Variants in NTRK2 observed in about 807,000 individuals in gnomAD.
NTRK2 encodes the protein BDNF/NT-3 growth factors receptor.
In NTRK2, 13 loss-of-function variants were observed where a neutral mutation model predicts 94.5. That is an observed-to-expected ratio of 0.14 (90% CI 0.09 to 0.22). NTRK2 has a LOEUF of 0.22. NTRK2 is among the 10% of genes least tolerant of loss of function. The pLI is 1.00. For synonymous variants in NTRK2, 372 were observed against 407.4 expected (o/e 0.91, Z 1.05); for missense variants, 639 against 1,071.2 (o/e 0.60, Z 5.63).
chr9:84,782,786 G>T (rs987920081), intron 12 of NTRK2, among the ~76,000 whole-genome samples: 1 of 152,142 alleles, frequency 6.6e-6, no homozygotes, highest in African/African-American at 2.4e-5. Flanking sequence ...GGCTGAAGTT[G>T]TCTATTAACT....
At chr9:85,006,874 C>T (rs1482863093) in intron 17 of NTRK2, among the ~76,000 whole-genome samples, 1 of 152,212 alleles carries the variant, frequency 6.6e-6, no homozygotes, top group Non-Finnish European at 1.5e-5. Flanking sequence ...GGATACCCCT[C>T]TGGGCTCCAA....
At chr9:84,822,508 A>AT (rs1222845722) in intron 12 of NTRK2, among the ~76,000 whole-genome samples, 1 of 152,284 alleles carries the variant, frequency 6.6e-6, no homozygotes, top group South Asian at 2.1e-4. Context: ...AGCTGCAAAG[A>AT]TTTTTATCCT....
chr9:84,826,009 A>G (rs2073160749), intron 12 of NTRK2, among the ~76,000 whole-genome samples: 2 of 152,246 alleles, frequency 1.3e-5, no homozygotes, highest in Non-Finnish European at 2.9e-5. Context: ...GAGGCACGGA[A>G]GATCAGTAAA....
At chr9:84,722,750 C>T (rs1413308291) in intron 6 of NTRK2, among the ~76,000 whole-genome samples, 1 of 152,094 alleles carries the variant, frequency 6.6e-6, no homozygotes, top group Non-Finnish European at 1.5e-5. Context: ...AGCAGCATCC[C>T]TAAAATTACA....
At chr9:84,772,982 GATTGGT>G (rs2066701351) in intron 12 of NTRK2, among the ~76,000 whole-genome samples, 1 of 152,192 alleles carries the variant, frequency 6.6e-6, no homozygotes, top group African/African-American at 2.4e-5. Flanking sequence ...TGAATTTAGT[GATTGGT>G]AACAAAATAG....
chr9:84,827,781 C>T (rs2073282295), intron 12 of NTRK2, among the ~76,000 whole-genome samples: 1 of 152,172 alleles, frequency 6.6e-6, no homozygotes, highest in Admixed American at 6.5e-5. Context: ...TTAACGATTC[C>T]TAGGTGCTTC....
chr9:84,986,281 C>G (rs1284980700), intron 17 of NTRK2, among the ~76,000 whole-genome samples: 1 of 152,118 alleles, frequency 6.6e-6, no homozygotes, highest in Non-Finnish European at 1.5e-5. Flanking sequence ...CACAAAGGAC[C>G]AGTTTTGTGG....
intron 12 of NTRK2, among the ~76,000 whole-genome samples, chr9:84,782,062 A>ACACACACACT (rs2067638891): frequency 2.0e-5 from 3 of 150,920 alleles, no homozygotes; most frequent in African/African-American, 7.3e-5. Flanking sequence ...ACACACACAC[A>ACACACACACT]CACACAAACA....
intron 12 of NTRK2, among the ~76,000 whole-genome samples, chr9:84,759,159 A>T (rs180831684): frequency 1.3e-5 from 2 of 152,358 alleles, no homozygotes; most frequent in Admixed American, 1.3e-4. Flanking sequence ...ATCTAGAGAA[A>T]AGAATTAGTC....
At chr9:84,780,006 T>C (rs1175834933) in intron 12 of NTRK2, among the ~76,000 whole-genome samples, 1 of 152,056 alleles carries the variant, frequency 6.6e-6, no homozygotes, top group Non-Finnish European at 1.5e-5. Context: ...AGCTAGCCTT[T>C]ATGATTAGAA....
chr9:84,700,989 G>A (rs1429635089), intron 2 of NTRK2, among the ~76,000 whole-genome samples: 1 of 152,154 alleles, frequency 6.6e-6, no homozygotes, highest in Non-Finnish European at 1.5e-5. Context: ...GTGCTGTGAT[G>A]CATATTAAGA....
intron 14 of NTRK2, among the ~76,000 whole-genome samples, chr9:84,904,671 T>C (rs1319166934): frequency 6.6e-6 from 1 of 152,222 alleles, no homozygotes; most frequent in Non-Finnish European, 1.5e-5. Context: ...ATATTACATA[T>C]GCTTGTTGAC....
intron 12 of NTRK2, among the ~76,000 whole-genome samples, chr9:84,807,125 C>G (rs994736131): frequency 4.6e-5 from 7 of 152,194 alleles, no homozygotes; most frequent in African/African-American, 7.2e-5. Context: ...CAGCAGTTTT[C>G]CTTTTTGCTC....
chr9:84,722,792 G>A (rs1478241133), intron 6 of NTRK2, among the ~76,000 whole-genome samples: 1 of 152,176 alleles, frequency 6.6e-6, no homozygotes, highest in African/African-American at 2.4e-5. Flanking sequence ...GTATAAAAAT[G>A]ATGCTTTGCT....
chr9:84,797,611 A>T (rs28580203), intron 12 of NTRK2, among the ~76,000 whole-genome samples: 10,546 of 54,290 alleles, frequency 0.19, 1,644 homozygotes, highest in African/African-American at 0.31. Context: ...ATTATATATA[A>T]TATATATACT....
chr9:84,927,725 T>C (rs1259142160), intron 14 of NTRK2, among the ~76,000 whole-genome samples: 3 of 152,140 alleles, frequency 2.0e-5, no homozygotes, highest in African/African-American at 7.2e-5. Flanking sequence ...GTTTCCTTAG[T>C]TTGAAAATGG....
chr9:84,814,541 CT>C (rs2072176063), intron 12 of NTRK2: 1 of 1,065,904 alleles, frequency 9.4e-7, no homozygotes, highest in Non-Finnish European at 1.1e-6. Context: ...ACACACACGA[CT>C]TTTTATTCCT....
At chr9:84,684,514 T>C (rs1244011221) in intron 2 of NTRK2, among the ~76,000 whole-genome samples, 1 of 152,192 alleles carries the variant, frequency 6.6e-6, no homozygotes, top group Non-Finnish European at 1.5e-5. Flanking sequence ...AGATGTGTGA[T>C]GTTATTTCTG....
intron 17 of NTRK2, among the ~76,000 whole-genome samples, chr9:84,997,821 G>A (rs542998240): frequency 6.6e-6 from 1 of 152,326 alleles, no homozygotes; most frequent in South Asian, 2.1e-4. Flanking sequence ...GCAGAAGGAA[G>A]AGATATGGAG....
Sources: gnomAD v4.1 joint callset for allele counts (sites outside exome capture counted in the v4.1 genomes callset) on GRCh38, gnomAD v4.1.1 for gene constraint, MANE v1.5 for transcripts, NCBI Gene and HGNC (gene_info 2026-07-23, HGNC 2026-07-21) for gene names.